Variants in HERC2 observed in about 807,000 individuals in gnomAD.
HERC2 encodes E3 ubiquitin-protein ligase HERC2.
Under a neutral mutation model 537.7 loss-of-function variants are expected in HERC2, and 102 were observed. The ratio of observed to expected loss-of-function variants is 0.19; its 90% CI spans 0.16 to 0.22. The LOEUF is 0.22. Among genes scored for constraint, HERC2 ranks in the 10% least tolerant of loss-of-function variants. The pLI is 1.00. For missense variants in HERC2, 4,236 were observed against 6,198.2 expected (o/e 0.68, Z 10.63); for synonymous variants, 2,224 against 2,466.2 (o/e 0.90, Z 2.91).
chr15:28,295,318 G>GA (rs1491417684), intron 3 of HERC2, among the ~76,000 whole-genome samples: 2 of 128,518 alleles, frequency 1.6e-5, no homozygotes, highest in East Asian at 6.1e-4. Flanking sequence ...TGGGGGGGGG[G>GA]GAGTGGGGGG....
At chr15:28,279,990 C>A in intron 5 of HERC2, 78 bp downstream of exon 5, 1 of 1,152,642 alleles carries the variant, frequency 8.7e-7, no homozygotes, top group South Asian at 1.5e-5. Flanking sequence ...ATATTGAAAA[C>A]CTTAAACTTT....
chr15:28,193,090 A>AT (rs1345805950), intron 52 of HERC2, among the ~76,000 whole-genome samples: 1 of 152,198 alleles, frequency 6.6e-6, no homozygotes, highest in African/African-American at 2.4e-5. Flanking sequence ...TAGCCTCAAA[A>AT]TGAGTCAAGA....
At chr15:28,321,620 G>A (rs1341521052) in intron 1 of HERC2, among the ~76,000 whole-genome samples, 156 bp from the exon 2 acceptor site, 1 of 126,470 alleles carries the variant, frequency 7.9e-6, no homozygotes, top group Non-Finnish European at 1.5e-5. Context: ...AGAGGGAAGA[G>A]ATGGAGGGAG....
At chr15:28,264,188 T>C (rs1358388490) in intron 14 of HERC2, among the ~76,000 whole-genome samples, 1 of 152,106 alleles carries the variant, frequency 6.6e-6, no homozygotes, top group Non-Finnish European at 1.5e-5. Flanking sequence ...TCCTCAACGA[T>C]CAGATGGTAA....
chr15:28,258,742 G>A (rs1596338004), intron 16 of HERC2, among the ~76,000 whole-genome samples: 1 of 151,894 alleles, frequency 6.6e-6, no homozygotes. Flanking sequence ...GACAAAAGCA[G>A]AAATCAATGA....
chr15:28,117,794 G>A (rs558764475), intron 86 of HERC2: 5 of 350,968 alleles, frequency 1.4e-5, no homozygotes, highest in Non-Finnish European at 2.8e-5. Flanking sequence ...ATTGCTAAAG[G>A]CTCAGGGGCC....
At position 28,238,697 on chromosome 15, in the gene HERC2, T is replaced by C. The variant is rs1435962218; in HGVS notation, c.3653A>G (p.His1218Arg). Reference sequence around the variant, plus strand: ...AGTCCAGAAGCCTCCATCTTTATTATGGTTCTCCAAATCAGCTTTGCGTAT... The same window carrying C: ...AGTCCAGAAGCCTCCATCTTTATTACGGTTCTCCAAATCAGCTTTGCGTAT... ...TLIRKADLEN[H>R]NKDGGFWTVI... The change falls in exon 24 of 93, where the codon CAT becomes CGT. Residue 1218 changes from histidine (H) to arginine (R), a missense_variant. By Grantham distance (29) the His-to-Arg change is conservative. This residue lies in a region of HERC2 where 754 missense variants were observed against 1,085.0 expected (regional missense o/e 0.69). Transcript: ENST00000261609. 1.2e-6 allele frequency: 2 copies of C among 1,611,568 alleles called. No individual in the cohort carries two copies. Among genetic ancestry groups the C allele is most frequent in the East Asian group, 2.2e-5 (1 of 44,866 alleles).
intron 26 of HERC2, among the ~76,000 whole-genome samples, chr15:28,236,470 T>C (rs1902470921): frequency 6.6e-6 from 1 of 151,928 alleles, no homozygotes; most frequent in Non-Finnish European, 1.5e-5. Flanking sequence ...TTTGCATTTT[T>C]AGTAGACATG....
Position 28,229,508 on chromosome 15 carries a change from G to A in HERC2, c.5072C>T (p.Ala1691Val), listed in dbSNP as rs558087264. ...AAGTCTTTGCCATCCACAAAACATC[G>A]CATACTGCACAGATGGAAGTAAGAA... ...KNFLLPSVQY[A>V]MFCGWQRLIP... is the part of the protein sequence containing the mutation. The change falls in exon 33 of 93, where the codon GCG becomes GTG. Residue 1691 changes from alanine to valine, a missense_variant. Ala to Val is a moderately conservative substitution (Grantham distance 64). Around this residue, in one of 27 missense-constraint regions of HERC2, gnomAD observed 343 missense variants for 417.2 expected, o/e 0.82. Coordinates refer to ENST00000261609, the MANE Select transcript of HERC2 (RefSeq NM_004667.6). 20 of 1,613,516 alleles carry A rather than the reference G, an allele frequency of 1.2e-5. No homozygotes were observed. The highest frequency in any genetic ancestry group is 2.2e-5 in the East Asian group (1 of 44,878).
chr15:28,314,983 A>C (rs567050994), intron 2 of HERC2, among the ~76,000 whole-genome samples: 1 of 152,214 alleles, frequency 6.6e-6, no homozygotes. Context: ...GTGAGTTGTT[A>C]TAAAAGAGCA....
At chr15:28,230,871 T>C (rs1266171559) in intron 30 of HERC2, among the ~76,000 whole-genome samples, 1 of 152,108 alleles carries the variant, frequency 6.6e-6, no homozygotes, top group Non-Finnish European at 1.5e-5. Context: ...TGTGCTCCTG[T>C]AAAACTTTAT....
chr15:28,205,059 G>T (rs1898277305), intron 45 of HERC2, among the ~76,000 whole-genome samples: 2 of 152,068 alleles, frequency 1.3e-5, no homozygotes, highest in African/African-American at 4.8e-5. Flanking sequence ...TTGTATACAT[G>T]AGCCCAGCTT....
At chr15:28,309,441 G>C (rs1234277241) in intron 2 of HERC2, among the ~76,000 whole-genome samples, 1 of 152,106 alleles carries the variant, frequency 6.6e-6, no homozygotes, top group Non-Finnish European at 1.5e-5. Flanking sequence ...TCCTTTTATA[G>C]TTTTGGTCTT....
intron 86 of HERC2, 124 bp downstream of exon 86, chr15:28,121,222 A>G: frequency 1.3e-6 from 1 of 771,556 alleles, no homozygotes; most frequent in Non-Finnish European, 2.2e-6. Context: ...GGAAGGTGGC[A>G]CCTGCTCTTT....
rs118021417 is a variant in HERC2, at chr15:28,118,737, C to T, written c.13273-1583G>A. ...GGCGCCTGTGCAGCCTTCCTGGCTC[C>T]GTGCTGGTGTCCTGTGCACACCCTG... is the stretch of plus-strand genomic sequence containing the variant. On this transcript the variant is annotated intron_variant, in intron 86 of 92. Coordinates refer to ENST00000261609, the MANE Select transcript of HERC2 (RefSeq NM_004667.6). Among the ~76,000 whole-genome samples, 347 of 152,300 alleles carry T rather than the reference C, an allele frequency of 2.3e-3. 1 individual carries two copies. Among genetic ancestry groups the T allele is most frequent in the Non-Finnish European group, 2.9e-3 (196 of 68,028 alleles).
intron 8 of HERC2, 44 bp from the exon 9 acceptor site, chr15:28,272,430 T>C: frequency 6.5e-7 from 1 of 1,530,786 alleles, no homozygotes; most frequent in Non-Finnish European, 8.9e-7. Flanking sequence ...CAGATTAACT[T>C]CTTTTCTTCA....
In HERC2 at chr15:28,282,989, G is replaced by T. The variant is rs143349479; in HGVS notation, c.323-2702C>A. On this transcript the variant is annotated intron_variant, in intron 4 of 92. Coordinates refer to ENST00000261609, the MANE Select transcript of HERC2 (RefSeq NM_004667.6). ...GAAGGGATGGGACGGGACGGGACTG[G>T]ATGGGACGGGATGGGAAGGGAAGAG... Among the ~76,000 whole-genome samples, 33 of 143,034 alleles carry T rather than the reference G, an allele frequency of 2.3e-4. No individual in the cohort carries two copies. In the East Asian group the frequency reaches 7.1e-3, roughly 31 times the overall value. The allele number at this position is 143,034 out of a possible 152,430, so 93.8% of individuals were successfully genotyped here.
intron 2 of HERC2, among the ~76,000 whole-genome samples, chr15:28,310,814 A>G (rs1355868347): frequency 6.6e-6 from 1 of 152,142 alleles, no homozygotes; most frequent in African/African-American, 2.4e-5. Flanking sequence ...ACGGTGGCTG[A>G]CGCCTGTAAT....
rs1421927806 is a variant in HERC2 at position 28,240,217 on chromosome 15, G to C, written c.3578-1445C>G. Among the ~76,000 whole-genome samples, 9 of 152,326 alleles carry C rather than the reference G, an allele frequency of 5.9e-5. No homozygotes were observed. The East Asian group carries it at 1.7e-3, about 29-fold the overall frequency. ...GCAGATCACAAGGTCAGGAGATGGA[G>C]ACCATCCTGGCTAACACGGTGAAAC... On this transcript the variant is annotated intron_variant, in intron 23 of 92. Transcript: ENST00000261609.
Sources: gnomAD v4.1 joint callset for allele counts (sites outside exome capture counted in the v4.1 genomes callset) on GRCh38, gnomAD v4.1.1 for gene constraint, gnomAD v4.1.1 regional missense constraint, MANE v1.5 for transcripts, NCBI Gene and HGNC (gene_info 2026-07-23, HGNC 2026-07-21) for gene names.